Variants in LPAR1 observed in about 807,000 individuals in gnomAD.
LPAR1 encodes the protein LPA receptor 1.
A neutral mutation model predicts 23.8 loss-of-function variants in LPAR1; 5 were observed. The ratio of observed to expected loss-of-function variants is 0.21; its 90% CI spans 0.11 to 0.44. The LOEUF is 0.44. LPAR1 is among the 20% of genes least tolerant of loss of function. The pLI is 0.99. For synonymous variants in LPAR1, 160 were observed against 164.7 expected (o/e 0.97, Z 0.22); for missense variants, 311 against 482.8 (o/e 0.64, Z 3.33).
At position 110,874,009 on chromosome 9, in the gene LPAR1, GGT is replaced by G. The variant is rs2078611668; in HGVS notation, c.*1410_*1411del. Reference sequence around the variant, plus strand: ...GACCACTGCATTTCTTTTGTAAAAAGGTCATTTGACTGGCTTTTCCTCACAAC... The same window carrying G: ...GACCACTGCATTTCTTTTGTAAAAAGCATTTGACTGGCTTTTCCTCACAAC... On this transcript the variant is annotated 3_prime_UTR_variant, in exon 6 of 6. Transcript: ENST00000683809. 1 of 152,504 alleles carries G rather than the reference GGT, an allele frequency of 6.6e-6. No homozygotes were observed. The highest frequency in any genetic ancestry group is 6.6e-5 in the Admixed American group (1 of 15,262). 9.4% of individuals were successfully genotyped at this position (152,504 alleles called of 1,614,324 possible).
At position 111,034,669 on chromosome 9, in the gene LPAR1, T is replaced by A. The variant is rs1015005455; in HGVS notation, c.-182+1453A>T. On this transcript the variant is annotated intron_variant, in intron 2 of 5. Transcript: ENST00000683809. ...ACGTAGCAGCCATAAGTTACACGGA[T>A]TGTAATGGAATAAAAGCCCAGTCCT... is the stretch of plus-strand genomic sequence containing the variant. 1.6e-4 allele frequency among the ~76,000 whole-genome samples: 24 copies of A among 152,324 alleles called. No homozygotes were observed. The East Asian group carries it at 4.4e-3, about 28-fold the overall frequency.
chr9:110,927,082 C>T (rs2094095790), intron 5 of LPAR1, among the ~76,000 whole-genome samples: 1 of 152,180 alleles, frequency 6.6e-6, no homozygotes, highest in African/African-American at 2.4e-5. Context: ...ACTGACGTAG[C>T]GAAGTCCTTC....
At chr9:110,934,857 G>A (rs1455899170) in intron 5 of LPAR1, among the ~76,000 whole-genome samples, 1 of 151,940 alleles carries the variant, frequency 6.6e-6, no homozygotes, top group Non-Finnish European at 1.5e-5. Flanking sequence ...GAGTGAGAGA[G>A]AGAGGAGAGG....
At chr9:110,999,621 A>C (rs1260014289) in intron 2 of LPAR1, among the ~76,000 whole-genome samples, 2 of 152,180 alleles carry the variant, frequency 1.3e-5, no homozygotes, top group African/African-American at 4.8e-5. Flanking sequence ...GGCTCTGATG[A>C]GGCCTCTTCG....
chr9:110,886,418 A>AG (rs1280442805), intron 5 of LPAR1, among the ~76,000 whole-genome samples: 6 of 90,430 alleles, frequency 6.6e-5, no homozygotes, highest in African/African-American at 1.3e-4. Context: ...CAATAACCAA[A>AG]GGAAAAAAAA....
chr9:111,027,424 C>A (rs529313429), intron 2 of LPAR1, among the ~76,000 whole-genome samples: 1 of 152,114 alleles, frequency 6.6e-6, no homozygotes, highest in South Asian at 2.1e-4. Flanking sequence ...TGGTTTGAGC[C>A]CAGGAGTTTG....
intron 4 of LPAR1, among the ~76,000 whole-genome samples, chr9:110,954,070 C>T (rs2095656226): frequency 6.6e-6 from 1 of 151,846 alleles, no homozygotes; most frequent in Admixed American, 6.5e-5. Flanking sequence ...ATCAGAAAAG[C>T]AATTCAGGAT....
intron 2 of LPAR1, among the ~76,000 whole-genome samples, chr9:110,975,939 T>C (rs909431295): frequency 6.6e-6 from 1 of 152,234 alleles, no homozygotes; most frequent in Non-Finnish European, 1.5e-5. Context: ...AAGGGCTAAA[T>C]GACATAACTT....
intron 5 of LPAR1, among the ~76,000 whole-genome samples, chr9:110,935,996 T>C (rs2094685478): frequency 6.6e-6 from 1 of 151,708 alleles, no homozygotes; most frequent in Non-Finnish European, 1.5e-5. Flanking sequence ...GCTCATGAAC[T>C]GGTCACCTTC....
chr9:111,038,720 G>A (rs1254681236), upstream of LPAR1: 3 of 449,844 alleles, frequency 6.7e-6, no homozygotes, highest in East Asian at 7.4e-5. This position sits in a 1 kb window ranked among gnomAD's most constrained non-coding sequence, Gnocchi z 4.4. Flanking sequence ...GACAGCCCAC[G>A]GTGGTGGCAG....
chr9:111,002,689 C>T (rs928798866), intron 2 of LPAR1, among the ~76,000 whole-genome samples: 7 of 152,092 alleles, frequency 4.6e-5, no homozygotes, highest in South Asian at 2.1e-4. Context: ...TTAAGATAAA[C>T]CAAGGGACCT....
intron 2 of LPAR1, among the ~76,000 whole-genome samples, chr9:111,022,924 G>T (rs2097585447): frequency 6.6e-6 from 1 of 151,886 alleles, no homozygotes; most frequent in Middle Eastern, 3.2e-3. Context: ...ATGGTGGCGG[G>T]TGCCTGTAGT....
At chr9:110,979,916 T>C (rs2096633740) in intron 2 of LPAR1, among the ~76,000 whole-genome samples, 1 of 152,116 alleles carries the variant, frequency 6.6e-6, no homozygotes, top group African/African-American at 2.4e-5. Context: ...AGAGGAGATT[T>C]GGATAACCAA....
At chr9:110,969,227 G>A (rs1053399271) in intron 4 of LPAR1, among the ~76,000 whole-genome samples, 2 of 152,042 alleles carry the variant, frequency 1.3e-5, no homozygotes, top group African/African-American at 4.8e-5. Context: ...ACTATGTTAA[G>A]AATGTATGTT....
At chr9:110,985,913 T>G (rs1285588734) in intron 2 of LPAR1, among the ~76,000 whole-genome samples, 1 of 151,972 alleles carries the variant, frequency 6.6e-6, no homozygotes, top group African/African-American at 2.4e-5. Flanking sequence ...ATTTCTGAGT[T>G]GGAGAAAATT....
chr9:110,991,470 A>G (rs2096890498), intron 2 of LPAR1, among the ~76,000 whole-genome samples: 1 of 152,178 alleles, frequency 6.6e-6, no homozygotes, highest in South Asian at 2.1e-4. Context: ...ATAACTAGAT[A>G]GACTCTTGCA....
rs548006252 is a variant in LPAR1 at position 110,929,891 on chromosome 9, T to G, written c.793+11530A>C. On this transcript the variant is annotated intron_variant, in intron 5 of 5. Transcript: ENST00000683809. ...TCATATGTGTGCCTCCTATGTTCATTCTCATTTTTTCAATCTGTATCAGGA... is the reference window on the plus strand; with the variant it reads ...TCATATGTGTGCCTCCTATGTTCATGCTCATTTTTTCAATCTGTATCAGGA... Among the ~76,000 whole-genome samples, 9 of 152,170 alleles carry G rather than the reference T, an allele frequency of 5.9e-5. No individual in the cohort carries two copies. In the South Asian group the frequency reaches 1.7e-3, roughly 28 times the overall value.
chr9:110,893,364 A>G (rs909294605), intron 5 of LPAR1, among the ~76,000 whole-genome samples: 8 of 152,242 alleles, frequency 5.3e-5, no homozygotes, highest in East Asian at 1.9e-4. Context: ...GATAGTATAC[A>G]TAAGTGGAGT....
intron 2 of LPAR1, among the ~76,000 whole-genome samples, chr9:111,005,546 CAAAAAAAAAAAAA>C (rs60143050): frequency 3.7e-4 from 26 of 70,348 alleles, no homozygotes; most frequent in East Asian, 2.9e-3. Flanking sequence ...GACCCTGTCT[CAAAAAAAAAAAAA>C]AAAAAAAAAA....
Sources: allele counts gnomAD v4.1 joint callset (sites outside exome capture counted in the v4.1 genomes callset), GRCh38; gene constraint gnomAD v4.1.1; non-coding constraint Gnocchi (gnomAD v3.1); transcripts MANE v1.5; gene names NCBI Gene and HGNC (gene_info 2026-07-23, HGNC 2026-07-21).